ZMIZ1: variants seen among roughly 807,000 people sequenced by gnomAD.
ZMIZ1 encodes zinc finger MIZ domain-containing protein 1.
A neutral mutation model predicts 113.9 loss-of-function variants in ZMIZ1; 17 were observed. That is an observed-to-expected ratio of 0.15 (90% confidence interval 0.10 to 0.22). The LOEUF (loss-of-function observed/expected upper bound fraction) is 0.22. Among genes scored for constraint, ZMIZ1 ranks in the 10% least tolerant of loss-of-function variants. The probability of loss-of-function intolerance (pLI) is 1.00; values close to 1 mark genes in which losing one functional copy is unlikely to be tolerated. For synonymous variants in ZMIZ1, 607 were observed against 603.1 expected (o/e 1.01, Z -0.09); for missense variants, 1,059 against 1,477.8 (o/e 0.72, Z 4.65).
At position 79,213,974 on chromosome 10, in the gene ZMIZ1, T is replaced by C. The variant is rs537361098; in HGVS notation, c.175-2195T>C. Among the ~76,000 whole-genome samples, 9 of 152,292 alleles carry C rather than the reference T, an allele frequency of 5.9e-5. No individual in the cohort carries two copies. The East Asian group carries it at 1.3e-3, about 23-fold the overall frequency. On this transcript the variant is annotated intron_variant, in intron 6 of 24. Coordinates refer to ENST00000334512, the MANE Select transcript of ZMIZ1 (RefSeq NM_020338.4). ...CACTTGTAAGCATCAGTGTTTCCCATTGACAGCAGCCTCACTACTGCACCA... is the reference window on the plus strand; with the variant it reads ...CACTTGTAAGCATCAGTGTTTCCCACTGACAGCAGCCTCACTACTGCACCA...
intron 6 of ZMIZ1, among the ~76,000 whole-genome samples, chr10:79,213,343 T>G (rs1348057426): frequency 6.6e-6 from 1 of 151,954 alleles, no homozygotes; most frequent in Admixed American, 6.6e-5. Context: ...CACTCTAGGG[T>G]TACAGGATTT....
intron 16 of ZMIZ1, among the ~76,000 whole-genome samples, chr10:79,300,514 T>C (rs980459420): frequency 6.6e-5 from 10 of 151,770 alleles, no homozygotes; most frequent in Non-Finnish European, 1.5e-4. Flanking sequence ...ATGGGAATGA[T>C]TGGTGTGCGG....
chr10:79,156,486 C>G (rs1845906861), intron 3 of ZMIZ1, among the ~76,000 whole-genome samples: 1 of 152,208 alleles, frequency 6.6e-6, no homozygotes, highest in Admixed American at 6.5e-5. Context: ...CAGGTCAGCC[C>G]AGAGCTGCCT....
At chr10:79,272,439 C>G (rs1162059219) in intron 7 of ZMIZ1, among the ~76,000 whole-genome samples, 1 of 152,250 alleles carries the variant, frequency 6.6e-6, no homozygotes, top group African/African-American at 2.4e-5. Flanking sequence ...TTCGGAGTCC[C>G]TTACCCTGAA....
chr10:79,225,166 C>T (rs1244392979), intron 7 of ZMIZ1, among the ~76,000 whole-genome samples: 1 of 152,224 alleles, frequency 6.6e-6, no homozygotes, highest in East Asian at 1.9e-4. Context: ...GAAGCACCCA[C>T]AGTGCCTGCA....
At chr10:79,168,631 T>C (rs1381589498) in intron 4 of ZMIZ1, among the ~76,000 whole-genome samples, 1 of 152,178 alleles carries the variant, frequency 6.6e-6, no homozygotes, top group East Asian at 1.9e-4. Flanking sequence ...TTGTGGGCCG[T>C]ATTAAGAAGG....
At chr10:79,292,061 G>T in intron 10 of ZMIZ1, 97 bp from the exon 11 acceptor site, 2 of 1,241,248 alleles carry the variant, frequency 1.6e-6, no homozygotes, top group South Asian at 2.7e-5. Context: ...CTAGGTTCTG[G>T]GTACAGCTCC....
intron 2 of ZMIZ1, among the ~76,000 whole-genome samples, chr10:79,139,212 G>C (rs1769758): frequency 6.6e-6 from 1 of 151,892 alleles, no homozygotes; most frequent in African/African-American, 2.4e-5. Flanking sequence ...ATTCAGGCAG[G>C]GGTCACAGAG....
rs145401583 is a variant in ZMIZ1 at position 79,228,881 on chromosome 10, A to G, written c.280+12607A>G. On this transcript the variant is annotated intron_variant, in intron 7 of 24. Transcript: ENST00000334512. ...GGTTTAGCTCTGCAGCTTCCATGCTATATGTATCCCCGGCCTCATCTCCCA... is the reference window on the plus strand; with the variant it reads ...GGTTTAGCTCTGCAGCTTCCATGCTGTATGTATCCCCGGCCTCATCTCCCA... 1.9e-3 allele frequency among the ~76,000 whole-genome samples: 282 copies of G among 152,332 alleles called. 2 individuals carry two copies. The highest frequency in any genetic ancestry group is 3.2e-3 in the Non-Finnish European group (220 of 68,028).
intron 3 of ZMIZ1, among the ~76,000 whole-genome samples, chr10:79,152,226 C>T (rs1403444507): frequency 6.6e-6 from 1 of 152,214 alleles, no homozygotes; most frequent in Non-Finnish European, 1.5e-5. Context: ...CAGCCCAGTA[C>T]AGTGGCTCAC....
At position 79,216,248 on chromosome 10, in the gene ZMIZ1, G is replaced by C. The variant is rs762370940; in HGVS notation, c.254G>C (p.Arg85Pro). The stretch of plus-strand genomic sequence containing the variant: ...CTGCTGGCTGTGTGTGCTGCAAACC[G>C]AGACAAGTTCACCCCGAAGTCTGCC... ...YRLLAVCAANRDKFTPKSAAL... is the reference protein window; with the variant it reads ...YRLLAVCAANPDKFTPKSAAL... Residue 85 changes from arginine to proline, a missense_variant, in exon 7 of 25, where the codon CGA becomes CCA. By Grantham distance (103) the Arg-to-Pro change is moderately radical. Around this residue, in one of 6 missense-constraint regions of ZMIZ1, gnomAD observed 272 missense variants for 350.4 expected, o/e 0.78. Transcript: ENST00000334512. 6.3e-7 allele frequency: 1 copy of C among 1,592,448 alleles called. No individual in the cohort carries two copies. Among genetic ancestry groups the C allele is most frequent in the Non-Finnish European group, 8.6e-7 (1 of 1,169,398 alleles).
At chr10:79,252,790 C>T (rs930896472) in intron 7 of ZMIZ1, among the ~76,000 whole-genome samples, 6 of 152,186 alleles carry the variant, frequency 3.9e-5, no homozygotes, top group Admixed American at 3.3e-4. Context: ...CTAACAGATG[C>T]ACCTGTGACC....
intron 7 of ZMIZ1, among the ~76,000 whole-genome samples, chr10:79,243,229 C>T (rs2132843949): frequency 6.6e-6 from 1 of 150,844 alleles, no homozygotes; most frequent in East Asian, 2.0e-4. Context: ...GCGCAGAGCG[C>T]GGGCCGTGGG....
chr10:79,192,499 G>T (rs544544548), intron 4 of ZMIZ1, among the ~76,000 whole-genome samples: 1 of 152,210 alleles, frequency 6.6e-6, no homozygotes, highest in Non-Finnish European at 1.5e-5. Flanking sequence ...CCACCCTTCC[G>T]GAAGCTTTGA....
intron 13 of ZMIZ1, 68 bp from the exon 14 acceptor site, chr10:79,297,545 C>T: frequency 7.2e-7 from 1 of 1,381,196 alleles, no homozygotes; most frequent in Non-Finnish European, 1.0e-6. Context: ...TTTTACTGTC[C>T]AGAGGGAGAG....
chr10:79,303,917 T>C (rs1365719138), intron 18 of ZMIZ1, 98 bp from the exon 19 acceptor site: 2 of 1,512,946 alleles, frequency 1.3e-6, no homozygotes, highest in Non-Finnish European at 1.8e-6. Context: ...AACCAGGACA[T>C]GCCCCAGCTG....
chr10:79,239,031 T>A (rs1356831343), intron 7 of ZMIZ1, among the ~76,000 whole-genome samples: 2 of 152,170 alleles, frequency 1.3e-5, no homozygotes, highest in African/African-American at 4.8e-5. Context: ...CAACCGCAAC[T>A]GTCCCTTTCA....
At chr10:79,195,223 G>A (rs779463622) in intron 4 of ZMIZ1, among the ~76,000 whole-genome samples, 13 of 152,230 alleles carry the variant, frequency 8.5e-5, no homozygotes, top group Non-Finnish European at 1.0e-4. Context: ...GCTGCCAAAG[G>A]CTGGCCAGCC....
chr10:79,199,571 AAAAG>A (rs1200616540), intron 4 of ZMIZ1, among the ~76,000 whole-genome samples: 1 of 152,020 alleles, frequency 6.6e-6, no homozygotes, highest in Non-Finnish European at 1.5e-5. Context: ...AAGAGGGGGG[AAAAG>A]AAAGCAACAT....
Sources: gnomAD v4.1 joint callset for allele counts (sites outside exome capture counted in the v4.1 genomes callset) on GRCh38, gnomAD v4.1.1 for gene constraint, gnomAD v4.1.1 regional missense constraint, MANE v1.5 for transcripts, NCBI Gene and HGNC (gene_info 2026-07-23, HGNC 2026-07-21) for gene names.